The following ARFGEF3 variants were observed in gnomAD, a reference collection of about 807,000 sequenced individuals.
ARFGEF3 encodes the protein ARFGEF family member 3.
Under a neutral mutation model 221.7 loss-of-function variants are expected in ARFGEF3, and 96 were observed. That is an observed-to-expected ratio of 0.43 (90% CI 0.37 to 0.51). The LOEUF (loss-of-function observed/expected upper bound fraction) is 0.51, where lower values mean the gene tolerates loss of function less well. Ranked by LOEUF, ARFGEF3 falls within the 20% of genes least tolerant of loss-of-function variation. The pLI, the probability that ARFGEF3 is intolerant of heterozygous loss-of-function variation, is 0.00. For missense variants in ARFGEF3, 2,410 were observed against 2,789.9 expected (o/e 0.86, Z 3.07); for synonymous variants, 1,145 against 1,126.8 (o/e 1.02, Z -0.32).
intron 15 of ARFGEF3, among the ~76,000 whole-genome samples, chr6:138,286,449 CAAAAA>C (rs960871572): frequency 1.8e-5 from 1 of 56,544 alleles, no homozygotes; most frequent in African/African-American, 6.5e-5. Context: ...GACTCCGTCT[CAAAAA>C]AAAAAAAAAA....
chr6:138,271,919 A>T (rs1482830467), intron 12 of ARFGEF3, among the ~76,000 whole-genome samples: 2 of 152,102 alleles, frequency 1.3e-5, no homozygotes, highest in African/African-American at 2.4e-5. Flanking sequence ...TATCTAGGAG[A>T]TGCTGTTCAA....
In ARFGEF3 at chr6:138,317,601, G is replaced by A. The variant is rs78837767; in HGVS notation, c.4474+222G>A. Among the ~76,000 whole-genome samples, 1,522 of 152,276 alleles carry A rather than the reference G, an allele frequency of 1.0e-2. 22 individuals are homozygous for A. Among genetic ancestry groups the A allele is most frequent in the East Asian group, 0.058 (302 of 5,178 alleles). ...TCCTAGAAGTCTGGTTACAAGTATC[G>A]TGTGGTGGCCAGTTAGTTGGATGTG... On this transcript the variant is annotated intron_variant, in intron 27 of 33. Transcript: ENST00000251691.
At chr6:138,189,093 C>T (rs752195456) in intron 2 of ARFGEF3, among the ~76,000 whole-genome samples, 18 of 152,128 alleles carry the variant, frequency 1.2e-4, no homozygotes, top group Non-Finnish European at 2.1e-4. Context: ...AAGTGATGTT[C>T]GATGCCTATG....
chr6:138,194,700 A>T (rs1373877608), intron 2 of ARFGEF3, among the ~76,000 whole-genome samples: 2 of 152,220 alleles, frequency 1.3e-5, no homozygotes, highest in Non-Finnish European at 2.9e-5. Flanking sequence ...TCAGTCAAGA[A>T]GGCTTTAGGG....
At chr6:138,205,096 G>A (rs891632802) in intron 2 of ARFGEF3, among the ~76,000 whole-genome samples, 2 of 152,234 alleles carry the variant, frequency 1.3e-5, no homozygotes. Context: ...AGATGGCAGA[G>A]TAATATAGAT....
Position 138,162,126 on chromosome 6 carries a change from G to C in ARFGEF3, c.40G>C (p.Gly14Arg). 1 of 1,605,328 alleles carries C rather than the reference G, an allele frequency of 6.2e-7. No homozygotes were observed. Among genetic ancestry groups the C allele is most frequent in the Non-Finnish European group, 8.5e-7 (1 of 1,175,632 alleles). ...ILRKLQKEAS[G>R]SKYKAIKESC... The stretch of plus-strand genomic sequence containing the variant: ...GAGGAAGCTGCAGAAGGAGGCGTCC[G>C]GGAGCAAGTACAAAGCCATCAAGGA... The change falls in exon 1 of 34, where the codon GGG becomes CGG. Residue 14 changes from glycine (G) to arginine (R), a missense_variant. Transcript: ENST00000251691. This position sits in a 1 kb window ranked among gnomAD's most constrained non-coding sequence, Gnocchi z 4.7.
At chr6:138,290,559 T>A (rs1779384596) in intron 18 of ARFGEF3, among the ~76,000 whole-genome samples, 1 of 152,198 alleles carries the variant, frequency 6.6e-6, no homozygotes, top group Non-Finnish European at 1.5e-5. Flanking sequence ...GCCTGTAAGA[T>A]GAAAACCAGC....
intron 20 of ARFGEF3, among the ~76,000 whole-genome samples, chr6:138,295,104 G>T (rs1779481640): frequency 6.6e-6 from 1 of 152,062 alleles, no homozygotes; most frequent in Non-Finnish European, 1.5e-5. Flanking sequence ...TTTCGCATTG[G>T]AGAAAACAGT....
At chr6:138,166,550 T>G (rs1308647628) in intron 1 of ARFGEF3, among the ~76,000 whole-genome samples, 1 of 152,192 alleles carries the variant, frequency 6.6e-6, no homozygotes, top group Admixed American at 6.5e-5. Context: ...GTTATCTGGT[T>G]GGTTGTTTTT....
At chr6:138,191,094 G>C (rs932986869) in intron 2 of ARFGEF3, among the ~76,000 whole-genome samples, 2 of 152,096 alleles carry the variant, frequency 1.3e-5, no homozygotes, top group Non-Finnish European at 2.9e-5. Context: ...AACTCACTGA[G>C]AAAGTTCCTA....
At chr6:138,224,957 G>A (rs528407727) in intron 4 of ARFGEF3, among the ~76,000 whole-genome samples, 11 of 152,308 alleles carry the variant, frequency 7.2e-5, no homozygotes, top group African/African-American at 2.6e-4. Flanking sequence ...ATGTGGGAAT[G>A]GTGGGGTATG....
intron 8 of ARFGEF3, among the ~76,000 whole-genome samples, chr6:138,247,037 A>T (rs537579361): frequency 2.8e-4 from 43 of 152,352 alleles, no homozygotes; most frequent in South Asian, 2.7e-3. Flanking sequence ...TAATACATGG[A>T]TAGCATAAAC....
chr6:138,238,664 T>G, intron 6 of ARFGEF3, 33 bp downstream of exon 6: 1 of 1,606,490 alleles, frequency 6.2e-7, no homozygotes, highest in Non-Finnish European at 8.5e-7. Context: ...TTCATCACCT[T>G]CCTGGTGGTG....
At chr6:138,204,821 C>G (rs1777599690) in intron 2 of ARFGEF3, among the ~76,000 whole-genome samples, 1 of 152,194 alleles carries the variant, frequency 6.6e-6, no homozygotes, top group Admixed American at 6.5e-5. Flanking sequence ...GATTCCACAG[C>G]CCATGTTCTT....
At chr6:138,267,806 C>G (rs1184232619) in intron 12 of ARFGEF3, among the ~76,000 whole-genome samples, 2 of 152,192 alleles carry the variant, frequency 1.3e-5, no homozygotes, top group South Asian at 2.1e-4. Context: ...AATTTCCCAT[C>G]AGACCAAACA....
At chr6:138,322,338 T>C (rs1276932875) in intron 29 of ARFGEF3, among the ~76,000 whole-genome samples, 1 of 152,194 alleles carries the variant, frequency 6.6e-6, no homozygotes, top group Non-Finnish European at 1.5e-5. Flanking sequence ...ATGAGACTTA[T>C]TCACTATAAC....
At chr6:138,231,672 C>T (rs901506881) in intron 5 of ARFGEF3, among the ~76,000 whole-genome samples, 1 of 152,148 alleles carries the variant, frequency 6.6e-6, no homozygotes, top group Non-Finnish European at 1.5e-5. Context: ...ATTTAAAACT[C>T]CTGTGGAAAT....
rs1779533003 is a variant in ARFGEF3, at chr6:138,296,839, A to C, written c.3532A>C (p.Ser1178Arg). Residue 1178 changes from serine (S) to arginine (R), a missense_variant, in exon 21 of 34, where the codon AGC becomes CGC. Around this residue, in one of 5 missense-constraint regions of ARFGEF3, gnomAD observed 723 missense variants for 991.9 expected, o/e 0.73. Coordinates refer to ENST00000251691, the MANE Select transcript of ARFGEF3 (RefSeq NM_020340.5). ...AGTTAAATCCACTCAAGACCGAAAA[A>C]GCGCCCTCCACCTGTTCCGCCTGGG... ...GEVKSTQDRK[S>R]ALHLFRLGNA... 1 of 1,613,820 alleles carries C rather than the reference A, an allele frequency of 6.2e-7. No homozygotes were observed.
At chr6:138,326,809 A>G (rs1041494038) in intron 31 of ARFGEF3, among the ~76,000 whole-genome samples, 10 of 152,234 alleles carry the variant, frequency 6.6e-5, no homozygotes, top group African/African-American at 1.9e-4. Flanking sequence ...ATACATGCAC[A>G]TGTATGTTCA....
Sources: gnomAD v4.1 joint callset for allele counts (sites outside exome capture counted in the v4.1 genomes callset) on GRCh38, gnomAD v4.1.1 for gene constraint, gnomAD v4.1.1 regional missense constraint, Gnocchi (gnomAD v3.1) non-coding constraint, MANE v1.5 for transcripts, NCBI Gene and HGNC (gene_info 2026-07-23, HGNC 2026-07-21) for gene names.